The following CEP128 variants were observed in gnomAD, a reference collection of about 807,000 sequenced individuals.
CEP128 encodes centrosomal protein 128kDa.
Under a neutral mutation model 156.7 loss-of-function variants are expected in CEP128, and 132 were observed. The ratio of observed to expected loss-of-function variants is 0.84; its 90% CI spans 0.73 to 0.97. CEP128 has a LOEUF of 0.97. Ranked by LOEUF, CEP128 falls within the 50% of genes least tolerant of loss-of-function variation. The probability of loss-of-function intolerance (pLI) is 0.00; values close to 1 mark genes in which losing one functional copy is unlikely to be tolerated. For synonymous variants in CEP128, 469 were observed against 448.9 expected, an observed-to-expected ratio of 1.04 and a Z score of -0.57; for missense variants, 1,252 against 1,281.9, an observed-to-expected ratio of 0.98 and a Z score of 0.36.
chr14:80,811,370 T>G (rs1884522859), intron 13 of CEP128, among the ~76,000 whole-genome samples: 2 of 152,182 alleles, frequency 1.3e-5, no homozygotes, highest in Admixed American at 1.3e-4. Flanking sequence ...TCTTCCAGAA[T>G]GGTTGAACTA....
intron 21 of CEP128, among the ~76,000 whole-genome samples, chr14:80,536,946 TGTTAA>T (rs1440359569): frequency 2.0e-5 from 3 of 152,286 alleles, no homozygotes; most frequent in Non-Finnish European, 2.9e-5. Context: ...TAAAAATGCT[TGTTAA>T]GTTAACATGG....
At chr14:80,554,462 G>A (rs533156918) in intron 21 of CEP128, among the ~76,000 whole-genome samples, 12 of 151,974 alleles carry the variant, frequency 7.9e-5, no homozygotes, top group African/African-American at 1.4e-4. Flanking sequence ...TAGAACATTC[G>A]GTAGAACTTA....
chr14:80,760,191 C>G (rs1358596749), intron 17 of CEP128, among the ~76,000 whole-genome samples: 5 of 151,296 alleles, frequency 3.3e-5, no homozygotes, highest in Non-Finnish European at 7.4e-5. Context: ...TACAATAGTT[C>G]TAAAAGAGTT....
intron 14 of CEP128, among the ~76,000 whole-genome samples, chr14:80,483,526 G>A (rs758256290): frequency 8.5e-5 from 13 of 152,198 alleles, no homozygotes; most frequent in Admixed American, 1.3e-4. Flanking sequence ...AGAACAACAC[G>A]GCGATGTGAA....
At chr14:80,655,242 A>G (rs1323532509) in intron 19 of CEP128, among the ~76,000 whole-genome samples, 1 of 152,148 alleles carries the variant, frequency 6.6e-6, no homozygotes, top group East Asian at 1.9e-4. Flanking sequence ...TTCCTTATTT[A>G]TATCTCCATC....
chr14:80,853,480 C>G (rs1007704595), intron 9 of CEP128, among the ~76,000 whole-genome samples: 1 of 150,628 alleles, frequency 6.6e-6, no homozygotes. Flanking sequence ...CCAGTTGTAC[C>G]CCTGTATACT....
At chr14:80,706,922 G>T (rs758826210) in intron 19 of CEP128, among the ~76,000 whole-genome samples, 2 of 151,976 alleles carry the variant, frequency 1.3e-5, no homozygotes, top group South Asian at 4.2e-4. Context: ...CAACCCATCC[G>T]TGATATTTTT....
chr14:80,484,969 T>C (rs1551070), intron 14 of CEP128, among the ~76,000 whole-genome samples: 68,404 of 151,944 alleles, frequency 0.45, 17,417 homozygotes, highest in East Asian at 0.69. Flanking sequence ...ATTGTGGGCA[T>C]TGGTGTGAGA....
intron 19 of CEP128, among the ~76,000 whole-genome samples, chr14:80,734,664 A>G (rs1049282611): frequency 5.3e-5 from 8 of 151,942 alleles, no homozygotes; most frequent in African/African-American, 1.7e-4. Flanking sequence ...CCTGGCCAAC[A>G]TGGTAAAACC....
At chr14:80,772,468 C>T (rs558816622) in intron 16 of CEP128, among the ~76,000 whole-genome samples, 2 of 152,294 alleles carry the variant, frequency 1.3e-5, no homozygotes, top group South Asian at 2.1e-4. Flanking sequence ...ACCTCCATCA[C>T]TCAATAAAAC....
At chr14:80,503,830 C>T (rs1263700103) in intron 24 of CEP128, among the ~76,000 whole-genome samples, 1 of 152,022 alleles carries the variant, frequency 6.6e-6, no homozygotes, top group Admixed American at 6.6e-5. Flanking sequence ...GACAGGAAGA[C>T]AAAATGCTCA....
chr14:80,893,709 G>A (rs1889213928), intron 8 of CEP128, among the ~76,000 whole-genome samples: 1 of 151,878 alleles, frequency 6.6e-6, no homozygotes, highest in African/African-American at 2.4e-5. Flanking sequence ...AGGGCAGGGT[G>A]GGTAAGAAAT....
intron 19 of CEP128, among the ~76,000 whole-genome samples, chr14:80,677,705 G>C (rs1390817285): frequency 1.3e-5 from 2 of 151,834 alleles, no homozygotes; most frequent in Non-Finnish European, 2.9e-5. Context: ...ACTTATGGAA[G>C]TGTGTTTCAG....
intron 13 of CEP128, among the ~76,000 whole-genome samples, chr14:80,807,645 A>T (rs1199355795): frequency 6.6e-6 from 1 of 152,214 alleles, no homozygotes; most frequent in African/African-American, 2.4e-5. Context: ...GAAACACTGG[A>T]GAGCTCCTTT....
chr14:80,722,040 A>G (rs892258363), intron 19 of CEP128, among the ~76,000 whole-genome samples: 14 of 152,336 alleles, frequency 9.2e-5, no homozygotes, highest in Admixed American at 5.2e-4. Context: ...TAAAACAAAT[A>G]AATGCATTAA....
At chr14:80,779,188 T>A (rs140039421) in intron 15 of CEP128, among the ~76,000 whole-genome samples, 18 of 152,348 alleles carry the variant, frequency 1.2e-4, no homozygotes, top group African/African-American at 4.3e-4. Flanking sequence ...AATATATGCT[T>A]TAATGCCTAA....
At chr14:80,565,342 G>A (rs557609982) in intron 20 of CEP128, among the ~76,000 whole-genome samples, 12 of 152,002 alleles carry the variant, frequency 7.9e-5, no homozygotes, top group African/African-American at 2.4e-4. Context: ...TGACCAATCC[G>A]CACTCCCCAC....
At chr14:80,863,645 CAGA>C (rs891164258) in intron 8 of CEP128, among the ~76,000 whole-genome samples, 3 of 152,112 alleles carry the variant, frequency 2.0e-5, no homozygotes, top group African/African-American at 7.2e-5. Context: ...CATAAGGACA[CAGA>C]AGACATTTGT....
intron 8 of CEP128, among the ~76,000 whole-genome samples, chr14:80,891,815 C>A (rs1889116021): frequency 6.6e-6 from 1 of 151,586 alleles, no homozygotes; most frequent in African/African-American, 2.4e-5. Flanking sequence ...ATGTATATTT[C>A]ATGTTTTAAA....
Sources: gnomAD v4.1 joint callset for allele counts (sites outside exome capture counted in the v4.1 genomes callset) on GRCh38, gnomAD v4.1.1 for gene constraint, MANE v1.5 for transcripts, NCBI Gene and HGNC (gene_info 2026-07-23, HGNC 2026-07-21) for gene names.